Variants in GLT1D1 observed in about 807,000 individuals in gnomAD.
GLT1D1 encodes glycosyltransferase 1 domain containing 1.
GLT1D1 carries 21 observed loss-of-function variants against 28.7 expected under a neutral mutation model. The ratio of observed to expected loss-of-function variants is 0.73; its 90% CI spans 0.52 to 1.05. The LOEUF (loss-of-function observed/expected upper bound fraction) is 1.05, where lower values mean the gene tolerates loss of function less well. GLT1D1 is among the 50% of genes least tolerant of loss of function. The pLI, the probability that GLT1D1 is intolerant of heterozygous loss-of-function variation, is 0.00. For synonymous variants in GLT1D1, 147 were observed against 124.8 expected, an observed-to-expected ratio of 1.18 and a Z score of -1.19; for missense variants, 343 against 330.6, an observed-to-expected ratio of 1.04 and a Z score of -0.29.
chr12:128,982,953 C>T lies in GLT1D1; in HGVS notation c.664C>T (p.Leu222=), dbSNP rs781124895. 2.5e-6 allele frequency: 4 copies of T among 1,614,036 alleles called. No individual in the cohort carries two copies. In the Admixed American group the frequency reaches 5.0e-5, roughly 20 times the overall value. The change falls in exon 8 of 8, where the codon CTG becomes TTG. Residue 222 remains leucine (L), a synonymous_variant. Coordinates refer to ENST00000281703, the MANE Select transcript of GLT1D1 (RefSeq NM_144669.3). ...GGAGTTTGTTCATCTGGCAAAGAGA[C>T]TGGTTAGTGATCCTGCATTAGAAAA...
chr12:128,922,162 CTGTGTGTGTG>C (rs57835879), intron 4 of GLT1D1, among the ~76,000 whole-genome samples: 10 of 148,692 alleles, frequency 6.7e-5, no homozygotes, highest in African/African-American at 1.2e-4. Flanking sequence ...TATGTAAACT[CTGTGTGTGTG>C]TGTGTGTGTG....
chr12:128,856,130 A>C (rs517902), intron 1 of GLT1D1, among the ~76,000 whole-genome samples: 14,759 of 152,082 alleles, frequency 0.097, 814 homozygotes, highest in East Asian at 0.18. Flanking sequence ...CCTTTCCAGA[A>C]CATATAGGGT....
intron 1 of GLT1D1, among the ~76,000 whole-genome samples, chr12:128,874,122 C>CTT (rs1956804749): frequency 1.2e-3 from 70 of 58,862 alleles, no homozygotes; most frequent in East Asian, 3.5e-3. Flanking sequence ...CTCTCTCTCT[C>CTT]TCTCTTTCTT....
chr12:128,932,831 C>A (rs999984350), intron 4 of GLT1D1, among the ~76,000 whole-genome samples: 1 of 152,148 alleles, frequency 6.6e-6, no homozygotes, highest in Non-Finnish European at 1.5e-5. Context: ...AAGATCCCTG[C>A]CTCGTCGAAG....
At chr12:128,968,885 G>T (rs1029374388) in intron 7 of GLT1D1, among the ~76,000 whole-genome samples, 4 of 152,116 alleles carry the variant, frequency 2.6e-5, no homozygotes, top group African/African-American at 7.2e-5. Flanking sequence ...GGCAGCGCCA[G>T]GAGCACAAAT....
intron 1 of GLT1D1, among the ~76,000 whole-genome samples, chr12:128,874,124 C>CTCTCTCTCTCTT (rs1956807030): frequency 1.0e-4 from 4 of 39,232 alleles, no homozygotes; most frequent in Admixed American, 3.9e-4. Context: ...CTCTCTCTCT[C>CTCTCTCTCTCTT]TCTTTCTTTC....
At chr12:128,944,400 C>G (rs1875746249) in intron 4 of GLT1D1, 1 of 1,194,020 alleles carries the variant, frequency 8.4e-7, no homozygotes, top group Non-Finnish European at 1.2e-6. Flanking sequence ...TGGTAATAGT[C>G]CAGGACTGGC....
intron 7 of GLT1D1, among the ~76,000 whole-genome samples, chr12:128,971,334 C>G (rs1305640115): frequency 1.4e-5 from 2 of 145,918 alleles, no homozygotes; most frequent in African/African-American, 5.1e-5. Flanking sequence ...TCCTTTCTTC[C>G]TCCCTCCTTT....
chr12:128,945,331 T>A lies in GLT1D1; in HGVS notation c.381T>A (p.Asp127Glu), dbSNP rs150308011. ...TTATCTTTGTCTCTTTTCAGGTCGA[T>A]CCAGTGTTTACAAGGGAAGTGAAAG... The change falls in exon 5 of 8, where the codon GAT (aspartate) becomes GAA (glutamate). Residue 127 changes from aspartate (D) to glutamate (E), a missense_variant. Asp to Glu is a conservative substitution (Grantham distance 45). Coordinates refer to ENST00000281703, the MANE Select transcript of GLT1D1 (RefSeq NM_144669.3). 2.5e-6 allele frequency: 4 copies of A among 1,613,986 alleles called. No individual in the cohort carries two copies. Among genetic ancestry groups the A allele is most frequent in the Non-Finnish European group, 3.4e-6 (4 of 1,179,950 alleles).
At chr12:128,928,601 G>A (rs1013757344) in intron 4 of GLT1D1, among the ~76,000 whole-genome samples, 2 of 151,102 alleles carry the variant, frequency 1.3e-5, no homozygotes, top group Admixed American at 6.6e-5. Flanking sequence ...TGACAGCTCC[G>A]CGTGTTTGTG....
At chr12:128,855,151 T>G (rs2628597) in intron 1 of GLT1D1, among the ~76,000 whole-genome samples, 32,854 of 147,252 alleles carry the variant, frequency 0.22, 3,778 homozygotes, top group Middle Eastern at 0.33. Flanking sequence ...GGGAGGCAGC[T>G]GTTGCAGTGA....
intron 4 of GLT1D1, among the ~76,000 whole-genome samples, chr12:128,918,456 C>T (rs946836316): frequency 4.6e-5 from 7 of 152,108 alleles, no homozygotes; most frequent in Non-Finnish European, 8.8e-5. Flanking sequence ...ATCCTGCACA[C>T]GTATCCTGGA....
rs146351804 is a variant in GLT1D1, at chr12:128,893,624, C to T, written c.323+4880C>T. ...TTTTGGACACAGAGTCTTACTCTGT[C>T]GCCCAGGCTGGAGTGCAGTGGTGCA... On this transcript the variant is annotated intron_variant, in intron 3 of 7. Transcript: ENST00000281703. Among the ~76,000 whole-genome samples, 908 of 152,006 alleles carry T rather than the reference C, an allele frequency of 6.0e-3. 10 individuals are homozygous for T. Among genetic ancestry groups the T allele is most frequent in the African/African-American group, 0.021 (852 of 41,470 alleles).
chr12:128,884,900 ATATAT>A lies in GLT1D1; in HGVS notation c.218-3736_218-3732del, dbSNP rs1286194345. On this transcript the variant is annotated intron_variant, in intron 2 of 7. Coordinates refer to ENST00000281703, the MANE Select transcript of GLT1D1 (RefSeq NM_144669.3). ...AAATGATAAATATGTGAGGTAATAC[ATATAT>A]TAATTAGCTTGATTTTTTTTTTTTT... Among the ~76,000 whole-genome samples the A allele has an allele frequency of 9.2e-5, 14 of 151,908 alleles. No individual in the cohort carries two copies. In the East Asian group the frequency reaches 2.5e-3, roughly 27 times the overall value.
At chr12:128,878,234 C>T (rs922107065) in intron 2 of GLT1D1, among the ~76,000 whole-genome samples, 1 of 152,144 alleles carries the variant, frequency 6.6e-6, no homozygotes, top group Admixed American at 6.6e-5. Flanking sequence ...CACACACACA[C>T]AAATGGAAGC....
In GLT1D1 at chr12:128,911,496, G is replaced by T. The variant is rs1489515029; in HGVS notation, c.375+12209G>T. On this transcript the variant is annotated intron_variant, in intron 4 of 7. Transcript: ENST00000281703. ...AGGGGTGTGTCTTCTGTGACCTCCA[G>T]GGATCTAGCTAGTTCAGTCACTTAA... 2.6e-5 allele frequency among the ~76,000 whole-genome samples: 4 copies of T among 152,298 alleles called. No homozygotes were observed. The East Asian group carries it at 7.7e-4, about 29-fold the overall frequency.
chr12:128,857,551 T>C (rs2135752407), intron 1 of GLT1D1, among the ~76,000 whole-genome samples: 1 of 152,124 alleles, frequency 6.6e-6, no homozygotes, highest in Admixed American at 6.6e-5. Flanking sequence ...GATGCTGGTG[T>C]CCTGGACGGG....
intron 3 of GLT1D1, among the ~76,000 whole-genome samples, chr12:128,891,943 TAGG>T (rs1869108769): frequency 6.6e-6 from 1 of 152,098 alleles, no homozygotes; most frequent in African/African-American, 2.4e-5. Context: ...TTCTACATCT[TAGG>T]GAGATGTGAG....
At chr12:128,980,126 T>G (rs1330964552) in intron 7 of GLT1D1, among the ~76,000 whole-genome samples, 2 of 152,210 alleles carry the variant, frequency 1.3e-5, no homozygotes, top group Non-Finnish European at 2.9e-5. Flanking sequence ...GATGAAGTCC[T>G]GTGTGACACC....
Sources: gnomAD v4.1 joint callset for allele counts (sites outside exome capture counted in the v4.1 genomes callset) on GRCh38, gnomAD v4.1.1 for gene constraint, MANE v1.5 for transcripts, NCBI Gene and HGNC (gene_info 2026-07-23, HGNC 2026-07-21) for gene names.